The following RARS1 variants were observed in gnomAD, a reference collection of about 807,000 sequenced individuals.
RARS1 encodes the protein arginine--tRNA ligase, cytoplasmic.
Under a neutral mutation model 78.7 loss-of-function variants are expected in RARS1, and 75 were observed. That is an observed-to-expected ratio of 0.95 (90% CI 0.79 to 1.15). The LOEUF (loss-of-function observed/expected upper bound fraction) is 1.15. Among genes scored for constraint, RARS1 ranks in the 50% most tolerant of loss-of-function variants. The probability of loss-of-function intolerance (pLI) is 0.00; values close to 1 mark genes in which losing one functional copy is unlikely to be tolerated. For missense variants in RARS1, 787 were observed against 787.5 expected, an observed-to-expected ratio of 1.00 and a Z score of 0.01; for synonymous variants, 273 against 268.2, an observed-to-expected ratio of 1.02 and a Z score of -0.18.
At chr5:168,504,464 A>G (rs1264033470) in intron 9 of RARS1, among the ~76,000 whole-genome samples, 1 of 150,374 alleles carries the variant, frequency 6.7e-6, no homozygotes. Context: ...TGGAGATTGC[A>G]GTGAGCCGAG....
rs1436126591 is a variant in RARS1 at position 168,506,757 on chromosome 5, A to G, written c.1272A>G (p.Gln424=). 6.2e-7 allele frequency: 1 copy of G among 1,613,928 alleles called. No homozygotes were observed. Among genetic ancestry groups the G allele is most frequent in the Non-Finnish European group, 8.5e-7 (1 of 1,179,888 alleles). The part of the protein sequence containing the change: ...VHFQTIFAAA[Q]MIGWYDPKVT... ...TCCAGACAATATTTGCTGCTGCTCA[A>G]ATGATTGGTTGGTATGACCCTAAAG... The change falls in exon 11 of 15, where the codon CAA becomes CAG. Residue 424 remains glutamine (Q), a synonymous_variant. Coordinates refer to ENST00000231572, the MANE Select transcript of RARS1 (RefSeq NM_002887.4).
intron 7 of RARS1, among the ~76,000 whole-genome samples, chr5:168,498,930 C>A (rs1225314842): frequency 6.6e-6 from 1 of 151,936 alleles, no homozygotes; most frequent in Non-Finnish European, 1.5e-5. Context: ...TGTGATCACA[C>A]CATTGCACTA....
intron 4 of RARS1, chr5:168,494,272 G>C: frequency 2.0e-6 from 2 of 985,340 alleles, no homozygotes; most frequent in Non-Finnish European, 2.4e-6. Flanking sequence ...ATAAGTCTTC[G>C]GCACAAGGGC....
intron 14 of RARS1, 30 bp downstream of exon 14, chr5:168,518,092 T>TTTTTTTTTTTTTTTTTTTTTG (rs1347666642): frequency 7.0e-7 from 1 of 1,424,006 alleles, no homozygotes; most frequent in African/African-American, 1.6e-5. Flanking sequence ...TTTTTTTTTT[T>TTTTTTTTTTTTTTTTTTTTTG]TTTAGTGAGA....
intron 9 of RARS1, among the ~76,000 whole-genome samples, chr5:168,503,060 T>C (rs1037692917): frequency 1.3e-5 from 2 of 152,262 alleles, no homozygotes; most frequent in Admixed American, 6.5e-5. Flanking sequence ...TTCTGATTTA[T>C]GTTTTATTCC....
At chr5:168,508,775 G>T (rs1212566909) in intron 11 of RARS1, among the ~76,000 whole-genome samples, 1 of 151,670 alleles carries the variant, frequency 6.6e-6, no homozygotes, top group Non-Finnish European at 1.5e-5. Context: ...TCATCTTCCT[G>T]CTATTCCTTG....
intron 11 of RARS1, among the ~76,000 whole-genome samples, chr5:168,508,542 C>T (rs1235753341): frequency 6.7e-6 from 1 of 149,260 alleles, no homozygotes; most frequent in Non-Finnish European, 1.5e-5. Flanking sequence ...ATGGTGTAAA[C>T]CCGGGAGGCG....
intron 8 of RARS1, among the ~76,000 whole-genome samples, chr5:168,501,539 A>G (rs1194435261): frequency 6.6e-6 from 1 of 152,208 alleles, no homozygotes; most frequent in African/African-American, 2.4e-5. Context: ...CCTGGCCAAC[A>G]TGGTGAAACC....
Position 168,486,473 on chromosome 5 carries a change from T to G in RARS1, c.-26T>G. The stretch of plus-strand genomic sequence containing the variant: ...GCTGACCGTTTCCGCTTCCGTCCAC[T>G]TGGCGAGTGAGACGCTGATGGGAGG... On this transcript the variant is annotated 5_prime_UTR_variant, in exon 1 of 15. Transcript: ENST00000231572. 6.4e-7 allele frequency: 1 copy of G among 1,554,378 alleles called. No individual in the cohort carries two copies. Among genetic ancestry groups the G allele is most frequent in the East Asian group, 2.4e-5 (1 of 41,616 alleles).
chr5:168,499,110 G>T (rs1237643749), intron 7 of RARS1, among the ~76,000 whole-genome samples: 1 of 152,118 alleles, frequency 6.6e-6, no homozygotes, highest in Non-Finnish European at 1.5e-5. Flanking sequence ...TTGAGTCCAG[G>T]AGTTCAAGAC....
intron 9 of RARS1, among the ~76,000 whole-genome samples, chr5:168,502,384 A>ATTTTTT (rs759302320): frequency 4.7e-5 from 6 of 127,232 alleles, no homozygotes; most frequent in Admixed American, 8.0e-5. Context: ...ATATATATAT[A>ATTTTTT]TTTTTTTTTT....
intron 10 of RARS1, 148 bp downstream of exon 10, chr5:168,506,347 G>A: frequency 4.3e-6 from 3 of 703,728 alleles, no homozygotes; most frequent in Non-Finnish European, 4.4e-6. Flanking sequence ...AGAAAGAAGA[G>A]GGTTTGGACC....
chr5:168,499,914 A>G (rs1758279951), intron 7 of RARS1, among the ~76,000 whole-genome samples: 1 of 152,156 alleles, frequency 6.6e-6, no homozygotes, highest in Non-Finnish European at 1.5e-5. Context: ...TTGGCCAGGC[A>G]CGGTGGCTCA....
In RARS1 at chr5:168,516,872, A is replaced by G. The variant is rs1758676640; in HGVS notation, c.1547A>G (p.Tyr516Cys). 4.3e-6 allele frequency: 7 copies of G among 1,614,042 alleles called. No homozygotes were observed. Among genetic ancestry groups the G allele is most frequent in the Non-Finnish European group, 5.9e-6 (7 of 1,179,998 alleles). Residue 516 changes from tyrosine to cysteine, a missense_variant, in exon 13 of 15, where the codon TAC becomes TGC. Physicochemically the swap from Tyr to Cys is radical, Grantham distance 194. Transcript: ENST00000231572. The stretch of plus-strand genomic sequence containing the variant: ...CTTTCCCATAACCGGTTGAATGACT[A>G]CATCTTCTCCTTTGACAAAATGCTA... ...ADLSHNRLND[Y>C]IFSFDKMLDD...
intron 12 of RARS1, 37 bp downstream of exon 12, chr5:168,510,723 C>T (rs1234589590): frequency 1.6e-5 from 23 of 1,459,494 alleles, no homozygotes; most frequent in Admixed American, 2.3e-5. Flanking sequence ...GTGTATCAAG[C>T]ATTGTGATTT....
intron 7 of RARS1, chr5:168,497,990 G>A (rs1252488324): frequency 2.0e-5 from 3 of 152,144 alleles, no homozygotes; most frequent in Non-Finnish European, 4.4e-5. Context: ...CACTTGGAGA[G>A]GCTGAGGCAA....
chr5:168,515,081 A>AT (rs1346687084), intron 12 of RARS1, among the ~76,000 whole-genome samples: 1 of 152,186 alleles, frequency 6.6e-6, no homozygotes, highest in African/African-American at 2.4e-5. Context: ...AAGCTTCATA[A>AT]TTAATAATAA....
intron 7 of RARS1, 21 bp downstream of exon 7, chr5:168,497,369 T>C (rs759230166): frequency 4.6e-6 from 7 of 1,514,884 alleles, no homozygotes; most frequent in East Asian, 2.3e-5. Flanking sequence ...ATTTCTTTTA[T>C]ATTATGTGTG....
intron 1 of RARS1, chr5:168,488,108 G>A: frequency 5.9e-6 from 2 of 338,536 alleles, no homozygotes; most frequent in South Asian, 4.6e-5. Flanking sequence ...ACACATGTAT[G>A]TGTGGTTAAT....
Sources: allele counts gnomAD v4.1 joint callset (sites outside exome capture counted in the v4.1 genomes callset), GRCh38; gene constraint gnomAD v4.1.1; transcripts MANE v1.5; gene names NCBI Gene and HGNC (gene_info 2026-07-23, HGNC 2026-07-21).